Variants in GALNTL6 observed in about 807,000 individuals in gnomAD.
GALNTL6 encodes polypeptide N-acetylgalactosaminyltransferase-like 6.
A neutral mutation model predicts 73.7 loss-of-function variants in GALNTL6; 46 were observed. The ratio of observed to expected loss-of-function variants is 0.62; its 90% CI spans 0.49 to 0.80. GALNTL6 has a LOEUF of 0.80. Among genes scored for constraint, GALNTL6 ranks in the 30% least tolerant of loss-of-function variants. GALNTL6 has a pLI of 0.00. For synonymous variants in GALNTL6, 259 were observed against 263.7 expected, an observed-to-expected ratio of 0.98 and a Z score of 0.17; for missense variants, 604 against 755.0, an observed-to-expected ratio of 0.80 and a Z score of 2.34.
intron 2 of GALNTL6, among the ~76,000 whole-genome samples, chr4:171,959,380 C>T (rs1024898151): frequency 5.9e-5 from 9 of 152,054 alleles, no homozygotes; most frequent in Admixed American, 1.3e-4. Flanking sequence ...ATTTATCAGC[C>T]GATAGAGCTA....
At chr4:171,935,099 G>T (rs1738301401) in intron 2 of GALNTL6, among the ~76,000 whole-genome samples, 1 of 152,126 alleles carries the variant, frequency 6.6e-6, no homozygotes, top group Non-Finnish European at 1.5e-5. Context: ...GATGCCAGTA[G>T]TAAGTACCCT....
chr4:172,703,622 A>G (rs1432644519), intron 5 of GALNTL6, among the ~76,000 whole-genome samples: 1 of 151,960 alleles, frequency 6.6e-6, no homozygotes, highest in Non-Finnish European at 1.5e-5. Context: ...TTTTGCATCT[A>G]TCTTTATCAG....
At chr4:172,992,083 T>C (rs892075931) in intron 10 of GALNTL6, among the ~76,000 whole-genome samples, 1 of 152,138 alleles carries the variant, frequency 6.6e-6, no homozygotes, top group African/African-American at 2.4e-5. Flanking sequence ...AAAAACCAAA[T>C]TCGTATGTGT....
At chr4:172,805,643 A>G (rs1740912898) in intron 5 of GALNTL6, among the ~76,000 whole-genome samples, 1 of 152,202 alleles carries the variant, frequency 6.6e-6, no homozygotes, top group Non-Finnish European at 1.5e-5. Flanking sequence ...AAAACCCCGT[A>G]AATTTCCTTG....
Position 172,809,595 on chromosome 4 carries a change from A to T in GALNTL6, c.739+49A>T. 6.8e-7 allele frequency: 1 copy of T among 1,472,208 alleles called. No individual in the cohort carries two copies. Among genetic ancestry groups the T allele is most frequent in the Non-Finnish European group, 9.2e-7 (1 of 1,084,714 alleles). The allele number at this position is 1,472,208 out of a possible 1,614,324, so 91.2% of individuals were successfully genotyped here. ...ATCCTGGGATGCCTCAGGGGAACTGAGCGGTTTGCTTCTATTTAGTTTGCA... is the reference window on the plus strand; with the variant it reads ...ATCCTGGGATGCCTCAGGGGAACTGTGCGGTTTGCTTCTATTTAGTTTGCA... On this transcript the variant is annotated intron_variant, in intron 6 of 12. Coordinates refer to ENST00000506823, the MANE Select transcript of GALNTL6 (RefSeq NM_001034845.3). This position sits in a 1 kb window ranked among gnomAD's most constrained non-coding sequence, Gnocchi z 4.4.
chr4:172,063,313 G>A (rs1407204572), intron 2 of GALNTL6, among the ~76,000 whole-genome samples: 2 of 152,116 alleles, frequency 1.3e-5, no homozygotes, highest in African/African-American at 4.8e-5. Flanking sequence ...AGTCTCATCA[G>A]CCTCATAAAA....
At chr4:172,048,670 T>G (rs541035022) in intron 2 of GALNTL6, among the ~76,000 whole-genome samples, 26 of 152,314 alleles carry the variant, frequency 1.7e-4, no homozygotes, top group Non-Finnish European at 2.9e-4. Flanking sequence ...TACTTAAAAT[T>G]TGTACATTTT....
intron 4 of GALNTL6, among the ~76,000 whole-genome samples, chr4:172,340,364 C>G (rs1319951623): frequency 6.6e-6 from 1 of 152,168 alleles, no homozygotes; most frequent in Non-Finnish European, 1.5e-5. Flanking sequence ...GGTGTATGAT[C>G]ATTTTAATGT....
intron 5 of GALNTL6, among the ~76,000 whole-genome samples, chr4:172,614,992 T>C (rs1248611289): frequency 2.0e-5 from 3 of 152,158 alleles, no homozygotes; most frequent in Non-Finnish European, 4.4e-5. Flanking sequence ...AGTTCATTCC[T>C]TAGGCATGTT....
intron 2 of GALNTL6, among the ~76,000 whole-genome samples, chr4:171,992,448 G>A (rs1426182343): frequency 6.6e-6 from 1 of 151,868 alleles, no homozygotes; most frequent in Non-Finnish European, 1.5e-5. Context: ...TTTCTTATGG[G>A]ACCAGTGCAG....
chr4:172,276,347 C>T (rs1250094086), intron 3 of GALNTL6, among the ~76,000 whole-genome samples: 1 of 152,184 alleles, frequency 6.6e-6, no homozygotes, highest in African/African-American at 2.4e-5. Flanking sequence ...TGAATAATCC[C>T]AGCATGACTG....
intron 2 of GALNTL6, among the ~76,000 whole-genome samples, chr4:171,844,765 G>A (rs1455856861): frequency 6.6e-6 from 1 of 152,112 alleles, no homozygotes; most frequent in African/African-American, 2.4e-5. Context: ...GGGGTAATAG[G>A]AAGCATATAA....
At chr4:172,626,384 T>C (rs2111083540) in intron 5 of GALNTL6, among the ~76,000 whole-genome samples, 1 of 152,060 alleles carries the variant, frequency 6.6e-6, no homozygotes, top group South Asian at 2.1e-4. Flanking sequence ...GTGTGTCTGT[T>C]TTTAACCATG....
At chr4:171,908,241 A>G (rs1179342019) in intron 2 of GALNTL6, among the ~76,000 whole-genome samples, 1 of 152,124 alleles carries the variant, frequency 6.6e-6, no homozygotes. Flanking sequence ...TTCACAAACT[A>G]CTCATCTGAC....
chr4:172,786,988 G>A (rs1226101840), intron 5 of GALNTL6, among the ~76,000 whole-genome samples: 1 of 152,120 alleles, frequency 6.6e-6, no homozygotes, highest in Non-Finnish European at 1.5e-5. Flanking sequence ...TTAGCTGTTA[G>A]TAATCTCCAC....
chr4:172,627,729 G>C (rs1353623266), intron 5 of GALNTL6, among the ~76,000 whole-genome samples: 2 of 151,754 alleles, frequency 1.3e-5, no homozygotes, highest in Non-Finnish European at 1.5e-5. Context: ...TTTCAATCTT[G>C]GGAGGTTGTG....
At chr4:172,862,453 C>A (rs1744443843) in intron 7 of GALNTL6, among the ~76,000 whole-genome samples, 1 of 152,036 alleles carries the variant, frequency 6.6e-6, no homozygotes. Flanking sequence ...AAAGAAAAAC[C>A]CTTGGGAGGC....
At chr4:172,724,710 G>C (rs1735691005) in intron 5 of GALNTL6, among the ~76,000 whole-genome samples, 1 of 152,114 alleles carries the variant, frequency 6.6e-6, no homozygotes, top group Admixed American at 6.5e-5. Flanking sequence ...GGTTAGCCAA[G>C]TACTAAAGAA....
chr4:172,934,192 T>C (rs1205539242), intron 9 of GALNTL6, among the ~76,000 whole-genome samples: 1 of 152,192 alleles, frequency 6.6e-6, no homozygotes, highest in Non-Finnish European at 1.5e-5. Flanking sequence ...AGTAGCGTCA[T>C]AGCTGTGACC....
Sources: allele counts gnomAD v4.1 joint callset (sites outside exome capture counted in the v4.1 genomes callset), GRCh38; gene constraint gnomAD v4.1.1; non-coding constraint Gnocchi (gnomAD v3.1); transcripts MANE v1.5; gene names NCBI Gene and HGNC (gene_info 2026-07-23, HGNC 2026-07-21).